The following NCKAP5 variants were observed in gnomAD, a reference collection of about 807,000 sequenced individuals.
NCKAP5 encodes the protein nck-associated protein 5.
In NCKAP5, 92 loss-of-function variants were observed where a neutral mutation model predicts 167.0. The observed-to-expected ratio is 0.55, with a 90% CI of 0.47 to 0.66. The LOEUF is 0.66. Among genes scored for constraint, NCKAP5 ranks in the 30% least tolerant of loss-of-function variants. The probability of loss-of-function intolerance (pLI) is 0.00; values close to 1 mark genes in which losing one functional copy is unlikely to be tolerated. For missense variants in NCKAP5, 2,378 were observed against 2,315.0 expected (o/e 1.03, Z -0.56); for synonymous variants, 891 against 877.4 (o/e 1.02, Z -0.27).
intron 4 of NCKAP5, among the ~76,000 whole-genome samples, chr2:133,253,288 T>A (rs1276918457): frequency 6.6e-6 from 1 of 152,236 alleles, no homozygotes; most frequent in African/African-American, 2.4e-5. Flanking sequence ...ACTCACTCTG[T>A]GCCAGGCATT....
chr2:132,939,624 T>G (rs1170514959), intron 8 of NCKAP5, among the ~76,000 whole-genome samples: 2 of 152,176 alleles, frequency 1.3e-5, no homozygotes, highest in East Asian at 1.9e-4. Context: ...AAGTGGTTTT[T>G]GGTTACATGG....
intron 6 of NCKAP5, among the ~76,000 whole-genome samples, chr2:133,127,297 C>G (rs1026168731): frequency 6.6e-6 from 1 of 152,190 alleles, no homozygotes; most frequent in African/African-American, 2.4e-5. Flanking sequence ...TTCAGTAGGT[C>G]TACTCAAATT....
rs990918677 is a variant in NCKAP5, at chr2:133,432,175, T to C, written c.69+85283A>G. Among the ~76,000 whole-genome samples the C allele has an allele frequency of 5.9e-4, 89 of 152,122 alleles. 1 individual carries two copies. Among genetic ancestry groups the C allele is most frequent in the African/African-American group, 1.1e-3 (47 of 41,396 alleles). On this transcript the variant is annotated intron_variant, in intron 3 of 19. Transcript: ENST00000409261. Reference sequence around the variant, plus strand: ...AGAGGAAACATCATAGAGTTTACAATAGAACTGCAGGACTCATACTACCAA... The same window carrying C: ...AGAGGAAACATCATAGAGTTTACAACAGAACTGCAGGACTCATACTACCAA...
intron 4 of NCKAP5, among the ~76,000 whole-genome samples, chr2:133,241,352 A>G (rs2087697770): frequency 1.3e-5 from 2 of 152,240 alleles, no homozygotes; most frequent in South Asian, 4.1e-4. Flanking sequence ...TGAGGAGCTC[A>G]AAGTATTTTA....
chr2:133,442,369 C>T (rs552271938), intron 3 of NCKAP5, among the ~76,000 whole-genome samples: 21 of 152,194 alleles, frequency 1.4e-4, no homozygotes, highest in Non-Finnish European at 2.8e-4. Context: ...AAACCTTCCC[C>T]ATCTGTGAGT....
chr2:133,611,461 T>C, the NCKAP5 span, among the ~76,000 whole-genome samples: 178 of 152,374 alleles, frequency 1.2e-3, 1 homozygote, highest in African/African-American at 3.9e-3. Context: ...GACAGGTTCA[T>C]GAGCCTCTCA....
the NCKAP5 span, among the ~76,000 whole-genome samples, chr2:133,592,988 C>T: frequency 2.5e-4 from 38 of 152,316 alleles, no homozygotes; most frequent in African/African-American, 8.7e-4. Context: ...AGGTAGCTGT[C>T]AGTCCTGTTA....
At chr2:133,671,738 CACA>C in the NCKAP5 span, among the ~76,000 whole-genome samples, 37 of 151,450 alleles carry the variant, frequency 2.4e-4, no homozygotes, top group Admixed American at 7.9e-4. Context: ...TTCTGGTATA[CACA>C]ACAACAACAA....
intron 2 of NCKAP5, among the ~76,000 whole-genome samples, chr2:133,545,675 T>G (rs910640213): frequency 2.0e-5 from 3 of 152,112 alleles, no homozygotes; most frequent in South Asian, 2.1e-4. Context: ...TAACTATGTA[T>G]CTACCTGGCC....
At chr2:133,634,010 T>C in the NCKAP5 span, among the ~76,000 whole-genome samples, 2 of 152,206 alleles carry the variant, frequency 1.3e-5, no homozygotes, top group African/African-American at 4.8e-5. Flanking sequence ...TTATCTGGAC[T>C]TGGTTAGATT....
At chr2:132,918,169 C>A (rs1308826213) in intron 8 of NCKAP5, among the ~76,000 whole-genome samples, 1 of 152,152 alleles carries the variant, frequency 6.6e-6, no homozygotes, top group Non-Finnish European at 1.5e-5. Context: ...CACTATAAAT[C>A]AGATTCCTTT....
chr2:132,800,033 CT>C (rs1233529120), intron 11 of NCKAP5, among the ~76,000 whole-genome samples: 2 of 152,098 alleles, frequency 1.3e-5, no homozygotes, highest in Non-Finnish European at 2.9e-5. Context: ...TTATAATAGG[CT>C]CATATTTTCA....
chr2:133,576,096 A>G, the NCKAP5 span, among the ~76,000 whole-genome samples: 1 of 152,210 alleles, frequency 6.6e-6, no homozygotes, highest in African/African-American at 2.4e-5. Context: ...CAAAATAGGT[A>G]GATTTGACGC....
chr2:132,885,617 G>T (rs1692152836), intron 8 of NCKAP5, among the ~76,000 whole-genome samples: 1 of 152,164 alleles, frequency 6.6e-6, no homozygotes, highest in Non-Finnish European at 1.5e-5. Context: ...GCATCACAGA[G>T]CAAATCCGTA....
intron 4 of NCKAP5, among the ~76,000 whole-genome samples, chr2:133,299,459 T>G (rs1160687926): frequency 1.3e-5 from 2 of 151,682 alleles, no homozygotes; most frequent in Admixed American, 6.6e-5. Context: ...TGAAAAGAAA[T>G]AAAGGGGCCG....
the NCKAP5 span, among the ~76,000 whole-genome samples, chr2:133,647,093 C>G: frequency 6.6e-6 from 1 of 151,910 alleles, no homozygotes; most frequent in African/African-American, 2.4e-5. Flanking sequence ...ACAAGACTAA[C>G]AGAGGAGGCC....
intron 6 of NCKAP5, among the ~76,000 whole-genome samples, chr2:133,024,178 C>G (rs1215121892): frequency 6.6e-6 from 1 of 152,064 alleles, no homozygotes; most frequent in Non-Finnish European, 1.5e-5. Flanking sequence ...ACAAGCTCTT[C>G]CAAAGAAAAT....
At chr2:133,432,066 T>G (rs997380542) in intron 3 of NCKAP5, among the ~76,000 whole-genome samples, 2 of 152,160 alleles carry the variant, frequency 1.3e-5, no homozygotes, top group Non-Finnish European at 2.9e-5. Flanking sequence ...TTCCTTAACC[T>G]TTGCTTCAAC....
intron 3 of NCKAP5, 46 bp from the exon 4 acceptor site, chr2:133,303,156 C>T (rs751155812): frequency 7.4e-7 from 1 of 1,342,726 alleles, no homozygotes; most frequent in South Asian, 1.3e-5. Context: ...ATGACAGTCC[C>T]CACCATCCTA....
Sources: gnomAD v4.1 joint callset for allele counts (sites outside exome capture counted in the v4.1 genomes callset) on GRCh38, gnomAD v4.1.1 for gene constraint, MANE v1.5 for transcripts, NCBI Gene and HGNC (gene_info 2026-07-23, HGNC 2026-07-21) for gene names.